Variants in SANBR observed in about 807,000 individuals in gnomAD.
The protein encoded by SANBR is SANT and BTB domain regulator of class switch recombination.
In SANBR, 77 loss-of-function variants were observed where a neutral mutation model predicts 101.8. That is an observed-to-expected ratio of 0.76 (90% CI 0.63 to 0.91). The LOEUF (loss-of-function observed/expected upper bound fraction) is 0.91, where lower values mean the gene tolerates loss of function less well. Ranked by LOEUF, SANBR falls within the 40% of genes least tolerant of loss-of-function variation. The probability of loss-of-function intolerance (pLI) is 0.00; values close to 1 mark genes in which losing one functional copy is unlikely to be tolerated. For synonymous variants in SANBR, 279 were observed against 274.7 expected (o/e 1.02, Z -0.15); for missense variants, 875 against 853.0 (o/e 1.03, Z -0.32).
chr2:61,085,051 T>C (rs187803158), intron 8 of SANBR, among the ~76,000 whole-genome samples: 1 of 152,164 alleles, frequency 6.6e-6, no homozygotes, highest in African/African-American at 2.4e-5. Flanking sequence ...TAGCTTTAGT[T>C]CTTTTTGAGA....
chr2:61,069,255 A>T (rs915774424), intron 2 of SANBR, among the ~76,000 whole-genome samples: 5 of 152,198 alleles, frequency 3.3e-5, no homozygotes, highest in Admixed American at 6.5e-5. Flanking sequence ...TTTATGCAGC[A>T]TCTCATTTGT....
chr2:61,118,566 GTTTT>G (rs1175530888), intron 20 of SANBR, among the ~76,000 whole-genome samples: 1 of 99,540 alleles, frequency 1.0e-5, no homozygotes, highest in Non-Finnish European at 2.0e-5. Flanking sequence ...TTTTTTGTTG[GTTTT>G]TTTTTTTTTT....
exon 22 of SANBR, chr2:61,137,913 G>A (rs1684896812): frequency 6.6e-6 from 1 of 152,072 alleles, no homozygotes; most frequent in Admixed American, 6.6e-5. Flanking sequence ...ATATCCTCAT[G>A]CAATTTTTTA....
intron 15 of SANBR, among the ~76,000 whole-genome samples, 154 bp downstream of exon 15, chr2:61,108,503 G>A (rs1410571248): frequency 6.6e-6 from 1 of 152,108 alleles, no homozygotes; most frequent in African/African-American, 2.4e-5. Flanking sequence ...AAGTAAAAAT[G>A]CCATTAAATT....
At chr2:61,069,450 G>A (rs185804257) in intron 2 of SANBR, among the ~76,000 whole-genome samples, 70 of 152,236 alleles carry the variant, frequency 4.6e-4, no homozygotes, top group African/African-American at 1.6e-3. Flanking sequence ...TCCTGTGTAC[G>A]CTGCCTTTTC....
chr2:61,078,230 G>A (rs1187449035), intron 6 of SANBR, among the ~76,000 whole-genome samples: 1 of 152,170 alleles, frequency 6.6e-6, no homozygotes, highest in Admixed American at 6.5e-5. Context: ...AGAGAATTTT[G>A]TTATTAACGG....
intron 12 of SANBR, among the ~76,000 whole-genome samples, chr2:61,098,624 C>T (rs565595759): frequency 6.6e-6 from 1 of 152,244 alleles, no homozygotes; most frequent in East Asian, 1.9e-4. Flanking sequence ...CAGTGAATAT[C>T]CTTGCACATA....
At chr2:61,120,309 G>C (rs1158446396) in intron 20 of SANBR, among the ~76,000 whole-genome samples, 1 of 151,658 alleles carries the variant, frequency 6.6e-6, no homozygotes, top group Non-Finnish European at 1.5e-5. Flanking sequence ...AAGACCATCT[G>C]GCCAACATGG....
At chr2:61,114,033 A>G (rs1683958272) in intron 16 of SANBR, among the ~76,000 whole-genome samples, 1 of 152,158 alleles carries the variant, frequency 6.6e-6, no homozygotes, top group Non-Finnish European at 1.5e-5. Flanking sequence ...AATTAGGTAC[A>G]TTGATTGATT....
chr2:61,122,233 G>A lies in SANBR; in HGVS notation c.*71G>A. On this transcript the variant is annotated 3_prime_UTR_variant, in exon 22 of 22. Coordinates refer to ENST00000402291, the MANE Select transcript of SANBR (RefSeq NM_001129993.3). ...CATCTGAAATTGCTCACTTCTTGAA[G>A]ATCTTCAGAACAATGACTTCCAACT... 6.7e-7 allele frequency: 1 copy of A among 1,492,066 alleles called. No homozygotes were observed. The highest frequency in any genetic ancestry group is 8.9e-7 in the Non-Finnish European group (1 of 1,117,848). The allele number at this position is 1,492,066 out of a possible 1,614,324, so 92.4% of individuals were successfully genotyped here.
intron 12 of SANBR, among the ~76,000 whole-genome samples, chr2:61,101,368 G>A (rs183350528): frequency 9.9e-5 from 15 of 152,228 alleles, no homozygotes; most frequent in Admixed American, 5.9e-4. Context: ...TTTGTGGTTA[G>A]TTTGTTTCCA....
At chr2:61,067,482 A>C (rs1681236390) in intron 1 of SANBR, among the ~76,000 whole-genome samples, 1 of 152,200 alleles carries the variant, frequency 6.6e-6, no homozygotes, top group Non-Finnish European at 1.5e-5. Flanking sequence ...TCACGCCTGT[A>C]ATCCCAGCAC....
intron 13 of SANBR, among the ~76,000 whole-genome samples, chr2:61,104,567 C>G (rs900994465): frequency 1.3e-5 from 2 of 152,032 alleles, no homozygotes; most frequent in African/African-American, 4.8e-5. Flanking sequence ...TGAGGGTTCC[C>G]AAGTTGCTTG....
At chr2:61,106,706 TA>T (rs746977388) in intron 14 of SANBR, 44 bp downstream of exon 14, 1 of 1,116,556 alleles carries the variant, frequency 9.0e-7, no homozygotes, top group South Asian at 1.4e-5. Context: ...CATAAATAAT[TA>T]ATGACATTTA....
At position 61,124,058 on chromosome 2, in the gene SANBR, C is replaced by T. The variant is rs1684440103; in HGVS notation, c.*1896C>T. On this transcript the variant is annotated 3_prime_UTR_variant, in exon 22 of 22. Transcript: ENST00000402291. ...GCAGTGAGCTGAGATCATGTTTCTG[C>T]GCTCCTAGCCTGGGTGACAGAGCAA... is the stretch of plus-strand genomic sequence containing the variant. The T allele has an allele frequency of 8.3e-6, 6 of 723,390 alleles. No homozygotes were observed. The highest frequency in any genetic ancestry group is 6.3e-5 in the Admixed American group (1 of 15,918). 44.8% of individuals were successfully genotyped at this position (723,390 alleles called of 1,614,324 possible).
chr2:61,134,036 T>A, intron 20 of SANBR: 1 of 1,532,324 alleles, frequency 6.5e-7, no homozygotes. Context: ...CTCACCAATT[T>A]ATCCTAACAG....
At chr2:61,100,149 G>T (rs920428304) in intron 12 of SANBR, among the ~76,000 whole-genome samples, 2 of 152,156 alleles carry the variant, frequency 1.3e-5, no homozygotes, top group Non-Finnish European at 1.5e-5. Flanking sequence ...CTGTTGCCCC[G>T]GCTGGAATGC....
chr2:61,069,916 C>T (rs1198692418), intron 2 of SANBR, among the ~76,000 whole-genome samples: 1 of 152,096 alleles, frequency 6.6e-6, no homozygotes, highest in African/African-American at 2.4e-5. Flanking sequence ...TGTCTTAGCC[C>T]ATAGTATACG....
downstream of SANBR, among the ~76,000 whole-genome samples, chr2:61,129,230 G>A (rs1684607842): frequency 6.6e-6 from 1 of 151,998 alleles, no homozygotes; most frequent in Non-Finnish European, 1.5e-5. Context: ...GGTCACCTGA[G>A]GTCAGGAGTT....
Sources: allele counts gnomAD v4.1 joint callset (sites outside exome capture counted in the v4.1 genomes callset), GRCh38; gene constraint gnomAD v4.1.1; transcripts MANE v1.5; gene names NCBI Gene and HGNC (gene_info 2026-07-23, HGNC 2026-07-21).